The following ADAMTS12 variants were observed in gnomAD, a reference collection of about 807,000 sequenced individuals.
ADAMTS12 encodes ADAM metallopeptidase with thrombospondin type 1 motif 12.
Under a neutral mutation model 167.8 loss-of-function variants are expected in ADAMTS12, and 118 were observed. That is an observed-to-expected ratio of 0.70 (90% CI 0.61 to 0.82). The LOEUF (loss-of-function observed/expected upper bound fraction) is 0.82. ADAMTS12 is among the 40% of genes least tolerant of loss of function. ADAMTS12 has a pLI of 0.00. For synonymous variants in ADAMTS12, 704 were observed against 716.9 expected (o/e 0.98, Z 0.29); for missense variants, 1,916 against 1,998.8 (o/e 0.96, Z 0.79).
chr5:33,712,809 G>A (rs1743451229), intron 3 of ADAMTS12, among the ~76,000 whole-genome samples: 2 of 152,046 alleles, frequency 1.3e-5, no homozygotes, highest in Admixed American at 6.6e-5. Flanking sequence ...GTACAATGCT[G>A]TCCTCCTGAA....
At chr5:33,883,336 T>A (rs554209974) in intron 1 of ADAMTS12, among the ~76,000 whole-genome samples, 1 of 149,326 alleles carries the variant, frequency 6.7e-6, no homozygotes, top group East Asian at 2.0e-4. Context: ...TGTTTTTTTT[T>A]TTTTTGTTTT....
intron 11 of ADAMTS12, 139 bp downstream of exon 11, chr5:33,641,671 T>C (rs1740449825): frequency 1.2e-6 from 1 of 833,586 alleles, no homozygotes; most frequent in Admixed American, 3.0e-5. Flanking sequence ...GTGAATCTTC[T>C]TGTTCTGTTT....
chr5:33,527,841 C>T (rs747879130), intron 23 of ADAMTS12, among the ~76,000 whole-genome samples: 9 of 152,210 alleles, frequency 5.9e-5, no homozygotes, highest in Non-Finnish European at 1.2e-4. Context: ...GACCTGGACT[C>T]AACCTACAGT....
At chr5:33,738,260 C>T (rs1216546592) in intron 3 of ADAMTS12, among the ~76,000 whole-genome samples, 2 of 152,072 alleles carry the variant, frequency 1.3e-5, no homozygotes, top group African/African-American at 2.4e-5. Flanking sequence ...AAACCAGGAG[C>T]GAGAGTGGAA....
chr5:33,669,866 A>G (rs902305167), intron 5 of ADAMTS12, among the ~76,000 whole-genome samples: 3 of 152,112 alleles, frequency 2.0e-5, no homozygotes, highest in African/African-American at 7.2e-5. Context: ...CTCAAAATGG[A>G]TGATAGACTT....
chr5:33,806,232 A>T (rs1313451294), intron 2 of ADAMTS12, among the ~76,000 whole-genome samples: 1 of 152,236 alleles, frequency 6.6e-6, no homozygotes, highest in Non-Finnish European at 1.5e-5. Flanking sequence ...AATACAAAAA[A>T]ATACTGCGTG....
intron 4 of ADAMTS12, among the ~76,000 whole-genome samples, 198 bp downstream of exon 4, chr5:33,683,661 G>A (rs759575793): frequency 2.6e-5 from 4 of 151,986 alleles, no homozygotes; most frequent in Admixed American, 1.3e-4. Context: ...ATGTTCCCAG[G>A]ATACACATCT....
chr5:33,691,220 T>C (rs770398370), intron 3 of ADAMTS12, among the ~76,000 whole-genome samples: 3 of 152,190 alleles, frequency 2.0e-5, no homozygotes, highest in Admixed American at 6.5e-5. Flanking sequence ...ACTACCTATA[T>C]TGTGACTCTC....
intron 23 of ADAMTS12, among the ~76,000 whole-genome samples, chr5:33,531,950 G>A (rs760338271): frequency 7.2e-5 from 11 of 152,162 alleles, no homozygotes; most frequent in Non-Finnish European, 1.5e-4. Flanking sequence ...GATGATGACC[G>A]TGAGCCCAAC....
In ADAMTS12 at chr5:33,527,001, C is replaced by A; in HGVS notation, c.*187G>T. The A allele has an allele frequency of 1.5e-6, 1 of 677,862 alleles. No homozygotes were observed. Among genetic ancestry groups the A allele is most frequent in the South Asian group, 2.2e-5 (1 of 45,798 alleles). The allele number at this position is 677,862 out of a possible 1,614,324, so 42.0% of individuals were successfully genotyped here. ...CCTTCCTATCAGGGAGCAGCAAGTA[C>A]GGCAGCCTAGGCCTCCTGTGAGGGA... On this transcript the variant is annotated 3_prime_UTR_variant, in exon 24 of 24. Transcript: ENST00000504830.
intron 2 of ADAMTS12, among the ~76,000 whole-genome samples, chr5:33,813,665 G>A (rs1747543933): frequency 6.6e-6 from 1 of 152,128 alleles, no homozygotes; most frequent in Non-Finnish European, 1.5e-5. Context: ...AAATCATATG[G>A]GAATGCCCAT....
chr5:33,804,904 A>G (rs1281971011), intron 2 of ADAMTS12, among the ~76,000 whole-genome samples: 2 of 151,966 alleles, frequency 1.3e-5, no homozygotes, highest in African/African-American at 4.9e-5. Context: ...ACCCTGCACT[A>G]CAGAATAAAA....
intron 2 of ADAMTS12, among the ~76,000 whole-genome samples, chr5:33,817,958 A>G (rs1167855328): frequency 6.6e-6 from 1 of 152,136 alleles, no homozygotes; most frequent in Non-Finnish European, 1.5e-5. Context: ...TATCATGTGA[A>G]AAGAGAGCAA....
chr5:33,724,219 T>A (rs950581009), intron 3 of ADAMTS12, among the ~76,000 whole-genome samples: 1 of 152,088 alleles, frequency 6.6e-6, no homozygotes, highest in Admixed American at 6.5e-5. Flanking sequence ...AAGCCCTTAC[T>A]TTAAGTGAAA....
intron 3 of ADAMTS12, among the ~76,000 whole-genome samples, chr5:33,696,938 G>A (rs1463852758): frequency 6.6e-6 from 1 of 151,940 alleles, no homozygotes; most frequent in Non-Finnish European, 1.5e-5. Flanking sequence ...TTGCTTTTTT[G>A]GACTATACAT....
chr5:33,639,701 T>G (rs1432362613), intron 11 of ADAMTS12, among the ~76,000 whole-genome samples: 5 of 152,218 alleles, frequency 3.3e-5, no homozygotes, highest in African/African-American at 9.6e-5. Context: ...TATGTTACAC[T>G]GCCTGACCAC....
chr5:33,676,140 A>G (rs184248370), intron 5 of ADAMTS12, among the ~76,000 whole-genome samples: 2 of 152,310 alleles, frequency 1.3e-5, no homozygotes, highest in African/African-American at 4.8e-5. Flanking sequence ...TATGTGAATT[A>G]ACAGGACAGG....
intron 3 of ADAMTS12, among the ~76,000 whole-genome samples, chr5:33,708,071 A>G (rs1264110854): frequency 6.6e-6 from 1 of 152,234 alleles, no homozygotes; most frequent in East Asian, 1.9e-4. Context: ...AATATCCAGA[A>G]TCTACAAGGA....
At chr5:33,842,315 C>T (rs1748775017) in intron 2 of ADAMTS12, among the ~76,000 whole-genome samples, 1 of 152,156 alleles carries the variant, frequency 6.6e-6, no homozygotes, top group African/African-American at 2.4e-5. Flanking sequence ...CTCATTCTTC[C>T]TTTCTAATTT....
Sources: allele counts gnomAD v4.1 joint callset (sites outside exome capture counted in the v4.1 genomes callset), GRCh38; gene constraint gnomAD v4.1.1; transcripts MANE v1.5; gene names NCBI Gene and HGNC (gene_info 2026-07-23, HGNC 2026-07-21).